Variants in PCDH15 observed in about 807,000 individuals in gnomAD.
The protein encoded by PCDH15 is protocadherin related 15.
Under a neutral mutation model 178.5 loss-of-function variants are expected in PCDH15, and 129 were observed. The observed-to-expected ratio is 0.72, with a 90% CI of 0.63 to 0.84. The LOEUF (loss-of-function observed/expected upper bound fraction) is 0.84. Ranked by LOEUF, PCDH15 falls within the 40% of genes least tolerant of loss-of-function variation. PCDH15 has a pLI of 0.00. For synonymous variants in PCDH15, 800 were observed against 732.0 expected (o/e 1.09, Z -1.50); for missense variants, 2,230 against 2,099.9 (o/e 1.06, Z -1.21).
At chr10:55,019,269 C>T (rs1223046450) in intron 2 of PCDH15, among the ~76,000 whole-genome samples, 2 of 152,112 alleles carry the variant, frequency 1.3e-5, no homozygotes, top group Non-Finnish European at 2.9e-5. Context: ...TAAACATTTA[C>T]CCAGAAATTA....
At chr10:53,984,487 T>C (rs1260347352) in intron 21 of PCDH15, among the ~76,000 whole-genome samples, 3 of 152,112 alleles carry the variant, frequency 2.0e-5, no homozygotes, top group South Asian at 4.1e-4. Flanking sequence ...CCTTTCAAGT[T>C]TGAAATACCA....
chr10:55,095,363 A>G (rs557200392), intron 2 of PCDH15, among the ~76,000 whole-genome samples: 1 of 152,178 alleles, frequency 6.6e-6, no homozygotes, highest in African/African-American at 2.4e-5. Context: ...ATTAATTTTG[A>G]GGAAAAGTTT....
chr10:54,218,791 A>G (rs2052395209), intron 9 of PCDH15, among the ~76,000 whole-genome samples: 1 of 152,230 alleles, frequency 6.6e-6, no homozygotes. Context: ...TATTTGATTA[A>G]GTGTCAAAAT....
chr10:54,182,733 A>C (rs2133790587), intron 13 of PCDH15, among the ~76,000 whole-genome samples: 1 of 152,242 alleles, frequency 6.6e-6, no homozygotes, highest in Admixed American at 6.5e-5. Flanking sequence ...TTACTAAGGC[A>C]GTTTTTTGTA....
intron 23 of PCDH15, among the ~76,000 whole-genome samples, chr10:53,952,552 C>A (rs1311343071): frequency 6.6e-6 from 1 of 152,164 alleles, no homozygotes; most frequent in African/African-American, 2.4e-5. Flanking sequence ...CCATAGGCAG[C>A]CTGGAGAAAG....
At chr10:54,797,207 A>G (rs1213699417) in intron 1 of PCDH15, among the ~76,000 whole-genome samples, 1 of 152,054 alleles carries the variant, frequency 6.6e-6, no homozygotes, top group Non-Finnish European at 1.5e-5. Flanking sequence ...CTTACACTCT[A>G]AAAGCCATAC....
intron 2 of PCDH15, among the ~76,000 whole-genome samples, chr10:54,639,780 T>C (rs2093950114): frequency 6.6e-6 from 1 of 152,186 alleles, no homozygotes; most frequent in Admixed American, 6.5e-5. Context: ...TTCTGAGGTT[T>C]TCAAATAGAT....
At chr10:54,029,667 C>G (rs996560106) in intron 18 of PCDH15, among the ~76,000 whole-genome samples, 2 of 152,062 alleles carry the variant, frequency 1.3e-5, no homozygotes, top group Non-Finnish European at 2.9e-5. Flanking sequence ...TTTATTGAAC[C>G]AAAGTTTTTT....
At chr10:55,093,334 G>A (rs1410576432) in intron 2 of PCDH15, among the ~76,000 whole-genome samples, 1 of 151,818 alleles carries the variant, frequency 6.6e-6, no homozygotes, top group Non-Finnish European at 1.5e-5. Context: ...GTCAAATAAT[G>A]GTGGTTTTTT....
At chr10:54,388,524 C>G (rs1024549375) in intron 3 of PCDH15, among the ~76,000 whole-genome samples, 1 of 152,168 alleles carries the variant, frequency 6.6e-6, no homozygotes, top group Non-Finnish European at 1.5e-5. Context: ...ACGCCACATA[C>G]TGTAAGAGAA....
At chr10:55,373,998 G>C (rs1845563250) in intron 2 of PCDH15, among the ~76,000 whole-genome samples, 1 of 151,560 alleles carries the variant, frequency 6.6e-6, no homozygotes, top group South Asian at 2.1e-4. Flanking sequence ...GTAGATGACA[G>C]GTTGATGGAT....
intron 18 of PCDH15, among the ~76,000 whole-genome samples, chr10:54,060,498 C>T (rs1372886913): frequency 6.6e-6 from 1 of 152,106 alleles, no homozygotes; most frequent in Non-Finnish European, 1.5e-5. Context: ...AAATTAAGTG[C>T]ATATTAGCTT....
chr10:55,332,646 G>A (rs1195692912), intron 2 of PCDH15, among the ~76,000 whole-genome samples: 1 of 152,162 alleles, frequency 6.6e-6, no homozygotes, highest in East Asian at 1.9e-4. Context: ...CCTATGTGTT[G>A]TGAAAGGGAC....
chr10:55,612,186 C>T (rs1843380942), intron 2 of PCDH15, among the ~76,000 whole-genome samples: 2 of 151,856 alleles, frequency 1.3e-5, no homozygotes, highest in Admixed American at 1.3e-4. Flanking sequence ...AGTGTTCTCA[C>T]CATAAAGTAA....
At chr10:55,593,522 G>C (rs115745931) in intron 2 of PCDH15, among the ~76,000 whole-genome samples, 1 of 151,884 alleles carries the variant, frequency 6.6e-6, no homozygotes, top group Non-Finnish European at 1.5e-5. Context: ...TTTATGGAGA[G>C]AGACAATTTT....
At chr10:54,490,174 A>G (rs1350194633) in intron 3 of PCDH15, among the ~76,000 whole-genome samples, 1 of 152,118 alleles carries the variant, frequency 6.6e-6, no homozygotes, top group Non-Finnish European at 1.5e-5. Context: ...CATATGGCTG[A>G]GCATGGTGGC....
chr10:54,766,760 T>C (rs1462995787), intron 1 of PCDH15, among the ~76,000 whole-genome samples: 1 of 151,646 alleles, frequency 6.6e-6, no homozygotes, highest in Non-Finnish European at 1.5e-5. Flanking sequence ...AAACCCCATC[T>C]CTACTAAAAA....
chr10:54,293,120 T>A (rs966786615), intron 8 of PCDH15, among the ~76,000 whole-genome samples: 1 of 152,050 alleles, frequency 6.6e-6, no homozygotes, highest in African/African-American at 2.4e-5. Context: ...AAAACAGATA[T>A]ATAGACCAAT....
chr10:55,392,979 A>G (rs887097755), intron 2 of PCDH15, among the ~76,000 whole-genome samples: 34 of 144,060 alleles, frequency 2.4e-4, no homozygotes, highest in Non-Finnish European at 4.0e-4. Context: ...ACTAAAGTGT[A>G]TGTGTGTGTG....
Sources: gnomAD v4.1 joint callset for allele counts (sites outside exome capture counted in the v4.1 genomes callset) on GRCh38, gnomAD v4.1.1 for gene constraint, MANE v1.5 for transcripts, NCBI Gene and HGNC (gene_info 2026-07-23, HGNC 2026-07-21) for gene names.